The following CMKLR1 variants were observed in gnomAD, a reference collection of about 807,000 sequenced individuals.
The protein encoded by CMKLR1 is chemerin-like receptor 1.
CMKLR1 carries 6 observed loss-of-function variants against 8.2 expected under a neutral mutation model. That is an observed-to-expected ratio of 0.73 (90% confidence interval 0.40 to 1.44). The LOEUF is 1.44. CMKLR1 is among the 40% of genes most tolerant of loss of function. The probability of loss-of-function intolerance (pLI) is 0.02; values close to 1 mark genes in which losing one functional copy is unlikely to be tolerated. For synonymous variants in CMKLR1, 178 were observed against 181.2 expected, an observed-to-expected ratio of 0.98 and a Z score of 0.14; for missense variants, 429 against 478.0, an observed-to-expected ratio of 0.90 and a Z score of 0.96.
At chr12:108,327,931 A>G (rs998740565) in intron 2 of CMKLR1, among the ~76,000 whole-genome samples, 1 of 152,214 alleles carries the variant, frequency 6.6e-6, no homozygotes, top group African/African-American at 2.4e-5. Context: ...CCGGGGTCCC[A>G]GCCTGACAAT....
chr12:108,321,334 A>C (rs1728612562), intron 2 of CMKLR1, among the ~76,000 whole-genome samples: 1 of 152,176 alleles, frequency 6.6e-6, no homozygotes, highest in South Asian at 2.1e-4. Flanking sequence ...CAGGAGGCTA[A>C]GGCGGGCAGA....
intron 2 of CMKLR1, among the ~76,000 whole-genome samples, chr12:108,308,930 G>T (rs948746305): frequency 1.3e-5 from 2 of 152,146 alleles, no homozygotes; most frequent in African/African-American, 4.8e-5. Flanking sequence ...AGGGGTAGTC[G>T]GGGGTGACAG....
chr12:108,335,675 T>C (rs976278697), intron 1 of CMKLR1, among the ~76,000 whole-genome samples: 2 of 152,342 alleles, frequency 1.3e-5, no homozygotes, highest in Admixed American at 6.5e-5. Context: ...TCTAGAACTT[T>C]GGTCTCTTAA....
intron 2 of CMKLR1, among the ~76,000 whole-genome samples, chr12:108,328,241 C>G (rs1486940108): frequency 6.6e-6 from 1 of 152,182 alleles, no homozygotes; most frequent in Non-Finnish European, 1.5e-5. Context: ...AAGGGAAAAG[C>G]CTGGAACGAA....
chr12:108,325,457 C>T (rs1366854142), intron 2 of CMKLR1, among the ~76,000 whole-genome samples: 1 of 151,684 alleles, frequency 6.6e-6, no homozygotes, highest in Non-Finnish European at 1.5e-5. Flanking sequence ...GCAACTTGCA[C>T]CCCTACTGTT....
At chr12:108,315,891 T>G (rs1410138108) in intron 2 of CMKLR1, among the ~76,000 whole-genome samples, 1 of 152,200 alleles carries the variant, frequency 6.6e-6, no homozygotes, top group Non-Finnish European at 1.5e-5. Context: ...GCAAGTGACA[T>G]GGCCTCTCTG....
intron 2 of CMKLR1, among the ~76,000 whole-genome samples, chr12:108,298,863 C>T (rs750639555): frequency 1.3e-5 from 2 of 152,230 alleles, no homozygotes; most frequent in Non-Finnish European, 2.9e-5. Context: ...TGAGTCAGAA[C>T]TCCCTAAGCC....
intron 2 of CMKLR1, among the ~76,000 whole-genome samples, chr12:108,326,164 A>C (rs565732615): frequency 1.3e-5 from 2 of 152,286 alleles, no homozygotes; most frequent in South Asian, 4.1e-4. Flanking sequence ...GCCCCAACGG[A>C]GGTGCAAATA....
chr12:108,291,731 T>A lies in CMKLR1; in HGVS notation c.*110A>T. ...AAAACACTGTTCATCCCATGCAAAA[T>A]GCAGTGAAAATTGGTGGATGCTAAA... On this transcript the variant is annotated 3_prime_UTR_variant, in exon 4 of 4. Coordinates refer to ENST00000550402, the MANE Select transcript of CMKLR1 (RefSeq NM_001142343.2). 1 of 1,097,102 alleles carries A rather than the reference T, an allele frequency of 9.1e-7. No individual in the cohort carries two copies. The highest frequency in any genetic ancestry group is 1.3e-6 in the Non-Finnish European group (1 of 752,358). 68.0% of individuals were successfully genotyped at this position (1,097,102 alleles called of 1,614,324 possible). A position where few individuals can be genotyped will look rare whatever the true frequency, so the allele number is the denominator to read the frequency against.
intron 2 of CMKLR1, among the ~76,000 whole-genome samples, chr12:108,308,914 G>A (rs1891479767): frequency 6.6e-6 from 1 of 152,196 alleles, no homozygotes; most frequent in Non-Finnish European, 1.5e-5. Flanking sequence ...CCTGCCCTTG[G>A]AGTCGAGGGG....
At chr12:108,326,580 A>C (rs1891987050) in intron 2 of CMKLR1, among the ~76,000 whole-genome samples, 1 of 152,210 alleles carries the variant, frequency 6.6e-6, no homozygotes, top group African/African-American at 2.4e-5. Context: ...AGCACGTGAA[A>C]GGCAGAAAGG....
chr12:108,311,981 C>G (rs1891592511), intron 2 of CMKLR1, among the ~76,000 whole-genome samples: 1 of 152,196 alleles, frequency 6.6e-6, no homozygotes, highest in African/African-American at 2.4e-5. Flanking sequence ...GGTGTGCTTT[C>G]CACAAGCATC....
At chr12:108,304,699 C>G (rs138246369) in intron 2 of CMKLR1, among the ~76,000 whole-genome samples, 2 of 152,310 alleles carry the variant, frequency 1.3e-5, no homozygotes, top group Non-Finnish European at 2.9e-5. Flanking sequence ...CCCATGTTTT[C>G]TCCACCTCCT....
intron 1 of CMKLR1, among the ~76,000 whole-genome samples, chr12:108,335,302 C>T (rs1892195479): frequency 6.6e-6 from 1 of 152,148 alleles, no homozygotes; most frequent in African/African-American, 2.4e-5. Flanking sequence ...CATGATAGTT[C>T]TCATGTGAGT....
At chr12:108,300,260 C>A (rs1891234161) in intron 2 of CMKLR1, among the ~76,000 whole-genome samples, 1 of 152,170 alleles carries the variant, frequency 6.6e-6, no homozygotes, top group Non-Finnish European at 1.5e-5. Context: ...GGAACACGGC[C>A]TTTTACAAGC....
At chr12:108,327,887 A>C (rs1272227285) in intron 2 of CMKLR1, among the ~76,000 whole-genome samples, 3 of 152,202 alleles carry the variant, frequency 2.0e-5, no homozygotes, top group Non-Finnish European at 4.4e-5. Flanking sequence ...GAAAGTGTGG[A>C]TCAGAGGCCA....
At chr12:108,334,877 C>A (rs567725059) in intron 1 of CMKLR1, among the ~76,000 whole-genome samples, 2 of 152,168 alleles carry the variant, frequency 1.3e-5, no homozygotes, top group South Asian at 4.2e-4. Flanking sequence ...GATATAAATA[C>A]CTTTGGCTTA....
chr12:108,292,623 T>C lies in CMKLR1; in HGVS notation c.340A>G (p.Ile114Val). 1 of 1,614,124 alleles carries C rather than the reference T, an allele frequency of 6.2e-7. No individual in the cohort carries two copies. Among genetic ancestry groups the C allele is most frequent in the Non-Finnish European group, 8.5e-7 (1 of 1,180,022 alleles). Reference protein sequence around the residue: ...HWVFGTAMCKISNFLLIHNMF... With the variant: ...HWVFGTAMCKVSNFLLIHNMF... The stretch of plus-strand genomic sequence containing the variant: ...TTGTGGATGAGAAGGAAGTTGCTGA[T>C]CTTGCACATGGCTGTCCCGAAAACC... Residue 114 changes from isoleucine (I) to valine (V), a missense_variant, in exon 4 of 4, where the codon ATC becomes GTC. Coordinates refer to ENST00000550402, the MANE Select transcript of CMKLR1 (RefSeq NM_001142343.2).
At chr12:108,313,368 G>T (rs1891634469) in intron 2 of CMKLR1, among the ~76,000 whole-genome samples, 2 of 152,270 alleles carry the variant, frequency 1.3e-5, no homozygotes, top group South Asian at 4.1e-4. Context: ...GGATCAAGGG[G>T]TCTCACACCC....
Sources: allele counts gnomAD v4.1 joint callset (sites outside exome capture counted in the v4.1 genomes callset), GRCh38; gene constraint gnomAD v4.1.1; transcripts MANE v1.5; gene names NCBI Gene and HGNC (gene_info 2026-07-23, HGNC 2026-07-21).